CRCP: variants seen among roughly 807,000 people sequenced by gnomAD.
CRCP encodes the protein CGRP receptor component.
In CRCP, 18 loss-of-function variants were observed where a neutral mutation model predicts 18.5. The ratio of observed to expected loss-of-function variants is 0.97; its 90% confidence interval spans 0.67 to 1.44. The LOEUF (loss-of-function observed/expected upper bound fraction) is 1.44. Ranked by LOEUF, CRCP falls within the 40% of genes most tolerant of loss-of-function variation. CRCP has a pLI of 0.00. For synonymous variants in CRCP, 53 were observed against 62.9 expected, an observed-to-expected ratio of 0.84 and a Z score of 0.75; for missense variants, 130 against 176.4, an observed-to-expected ratio of 0.74 and a Z score of 1.49.
intron 1 of CRCP, chr7:66,119,771 G>C (rs1406080719): frequency 6.6e-6 from 1 of 152,228 alleles, no homozygotes; most frequent in Non-Finnish European, 1.5e-5. Context: ...TGTGTAAATA[G>C]TAGTTGTACT....
chr7:66,115,918 T>A (rs907943532), intron 1 of CRCP, among the ~76,000 whole-genome samples: 5 of 152,180 alleles, frequency 3.3e-5, no homozygotes, highest in Non-Finnish European at 7.3e-5. Context: ...TGCTTCAGCC[T>A]CTTCAGTAGC....
chr7:66,126,045 A>C (rs1203930363), intron 1 of CRCP, among the ~76,000 whole-genome samples: 1 of 149,326 alleles, frequency 6.7e-6, no homozygotes, highest in Non-Finnish European at 1.5e-5. Context: ...CCTGTGTTAG[A>C]TTCCTTTCAA....
At chr7:66,147,077 C>A (rs1462433616) in intron 5 of CRCP, among the ~76,000 whole-genome samples, 1 of 152,102 alleles carries the variant, frequency 6.6e-6, no homozygotes, top group Non-Finnish European at 1.5e-5. Context: ...CGCGGTGGCT[C>A]ATGCCTGTAA....
At chr7:66,151,716 T>TGTGTGG (rs1788475198) in intron 5 of CRCP, among the ~76,000 whole-genome samples, 2 of 137,184 alleles carry the variant, frequency 1.5e-5, no homozygotes, top group Admixed American at 7.3e-5. Context: ...TGTGTGTGTG[T>TGTGTGG]GGTTATATAA....
At chr7:66,115,109 C>T (rs1429572031) in intron 1 of CRCP, 139 bp downstream of exon 1, 9 of 1,268,910 alleles carry the variant, frequency 7.1e-6, no homozygotes, top group Non-Finnish European at 9.8e-6. Context: ...TCCGGGAGGG[C>T]CGCGGGGTGG....
rs149005363 is a variant in CRCP, at chr7:66,145,736, G to A, written c.297+236G>A. Among the ~76,000 whole-genome samples, 25 of 152,290 alleles carry A rather than the reference G, an allele frequency of 1.6e-4. No individual in the cohort carries two copies. The East Asian group carries it at 4.6e-3, about 28-fold the overall frequency. On this transcript the variant is annotated intron_variant, in intron 5 of 5. Coordinates refer to ENST00000395326, the MANE Select transcript of CRCP (RefSeq NM_014478.5). Reference sequence around the variant, plus strand: ...TTGGCTGATGACTTGGCGGCTCTCCGACTCCCCTGATGTCCAGGCCATTCT... The same window carrying A: ...TTGGCTGATGACTTGGCGGCTCTCCAACTCCCCTGATGTCCAGGCCATTCT...
intron 4 of CRCP, among the ~76,000 whole-genome samples, chr7:66,141,105 C>G (rs557270112): frequency 2.9e-4 from 44 of 152,276 alleles, no homozygotes; most frequent in Middle Eastern, 3.4e-3. Flanking sequence ...CAAGAGTTAA[C>G]GCTTCAGGCA....
At chr7:66,136,436 A>G (rs770188600) in intron 4 of CRCP, among the ~76,000 whole-genome samples, 24 of 151,994 alleles carry the variant, frequency 1.6e-4, no homozygotes, top group Non-Finnish European at 3.1e-4. Context: ...CTCCATGTTG[A>G]TCAGGCTGGT....
chr7:66,147,079 T>C (rs1466170358), intron 5 of CRCP, among the ~76,000 whole-genome samples: 1 of 152,110 alleles, frequency 6.6e-6, no homozygotes, highest in African/African-American at 2.4e-5. Context: ...CGGTGGCTCA[T>C]GCCTGTAATG....
rs73376333 is a variant in CRCP, at chr7:66,125,834, G to T, written c.9-1870G>T. Among the ~76,000 whole-genome samples, 1,176 of 149,094 alleles carry T rather than the reference G, an allele frequency of 7.9e-3. 49 individuals carry two copies. The highest frequency in any genetic ancestry group is 0.027 in the African/African-American group (1,103 of 41,330). Reference sequence around the variant, plus strand: ...AGAAAAAACATTCATATTTTTTCTCGAGTCAAGTATTCCAGGAAGGGATGT... The same window carrying T: ...AGAAAAAACATTCATATTTTTTCTCTAGTCAAGTATTCCAGGAAGGGATGT... On this transcript the variant is annotated intron_variant, in intron 1 of 5. Coordinates refer to ENST00000395326, the MANE Select transcript of CRCP (RefSeq NM_014478.5).
At chr7:66,150,368 G>A (rs966950340) in intron 5 of CRCP, among the ~76,000 whole-genome samples, 1 of 23,806 alleles carries the variant, frequency 4.2e-5, no homozygotes, top group Non-Finnish European at 8.5e-5. Context: ...GGGGGGAGTT[G>A]AAGATTGTTT....
Position 66,134,291 on chromosome 7 carries a change from C to G in CRCP, c.156C>G (p.Tyr52Ter), listed in dbSNP as rs767592334. Residue 52 changes from tyrosine to a stop codon, truncating the protein, a stop_gained, in exon 4 of 6, where the codon TAC becomes TAG. Coordinates refer to ENST00000395326, the MANE Select transcript of CRCP (RefSeq NM_014478.5). LOFTEE classifies it high-confidence loss of function. ...TTTTTTTTTGCCAGACGTTAAAATA[C>G]ATATCAAAAACACCATGCAGGCACC... ...LNTITYETLKYISKTPCRHQS... is the reference protein window; with the variant it reads ...LNTITYETLK 57 of 1,527,652 alleles carry G rather than the reference C, an allele frequency of 3.7e-5. No homozygotes were observed. The highest frequency in any genetic ancestry group is 5.1e-5 in the Non-Finnish European group (57 of 1,123,774). The allele number at this position is 1,527,652 out of a possible 1,614,324, so 94.6% of individuals were successfully genotyped here. A position where few individuals can be genotyped will look rare whatever the true frequency, so the allele number is the denominator to read the frequency against.
rs768310941 is a variant in CRCP, at chr7:66,134,263, T to C, written c.145-17T>C. The stretch of plus-strand genomic sequence containing the variant: ...TGTCTTATGCTTGGCTTTTTTCTTT[T>C]TTTTTTTTTTTGCCAGACGTTAAAA... On this transcript the variant is annotated splice_polypyrimidine_tract_variant and intron_variant, in intron 3 of 5. Transcript: ENST00000395326. 6 of 1,352,170 alleles carry C rather than the reference T, an allele frequency of 4.4e-6. No homozygotes were observed. In the East Asian group the frequency reaches 7.7e-5, roughly 17 times the overall value. 83.8% of individuals were successfully genotyped at this position (1,352,170 alleles called of 1,614,324 possible).
rs1369014102 is a variant in CRCP, at chr7:66,124,856, T to C, written c.9-2848T>C. 2.0e-5 allele frequency among the ~76,000 whole-genome samples: 3 copies of C among 149,308 alleles called. No homozygotes were observed. The East Asian group carries it at 6.0e-4, about 30-fold the overall frequency. ...CACTCAGGAAACTTAGCGATGATAATCTACTATTATTAAGATACAATGTAA... is the reference window on the plus strand; with the variant it reads ...CACTCAGGAAACTTAGCGATGATAACCTACTATTATTAAGATACAATGTAA... On this transcript the variant is annotated intron_variant, in intron 1 of 5. Coordinates refer to ENST00000395326, the MANE Select transcript of CRCP (RefSeq NM_014478.5).
intron 1 of CRCP, among the ~76,000 whole-genome samples, chr7:66,122,408 A>ATGTGCCATTTGTGTATGTGTTTGCT (rs1562759379): frequency 6.7e-6 from 1 of 149,040 alleles, no homozygotes; most frequent in Non-Finnish European, 1.5e-5. Context: ...CACTGTTTGC[A>ATGTGCCATTTGTGTATGTGTTTGCT]TGTGCCATTT....
intron 4 of CRCP, among the ~76,000 whole-genome samples, chr7:66,141,310 T>G (rs927098036): frequency 1.3e-5 from 2 of 152,194 alleles, no homozygotes; most frequent in African/African-American, 2.4e-5. Context: ...AAATACTAGA[T>G]CTTATTCATT....
intron 1 of CRCP, chr7:66,126,511 A>T: frequency 3.5e-6 from 1 of 282,174 alleles, no homozygotes; most frequent in Non-Finnish European, 7.1e-6. Flanking sequence ...TGAGCAAGTT[A>T]CTTAATTTCT....
intron 4 of CRCP, among the ~76,000 whole-genome samples, chr7:66,144,534 C>G (rs762996980): frequency 6.6e-6 from 1 of 152,146 alleles, no homozygotes; most frequent in South Asian, 2.1e-4. Context: ...CTCTGTCGCC[C>G]AGGCTGGAGT....
At chr7:66,138,107 C>CT (rs1788022411) in intron 4 of CRCP, among the ~76,000 whole-genome samples, 1 of 152,204 alleles carries the variant, frequency 6.6e-6, no homozygotes, top group Non-Finnish European at 1.5e-5. Flanking sequence ...TACAAATTCT[C>CT]TTATTTTCAT....
Sources: gnomAD v4.1 joint callset for allele counts (sites outside exome capture counted in the v4.1 genomes callset) on GRCh38, gnomAD v4.1.1 for gene constraint, MANE v1.5 for transcripts, NCBI Gene and HGNC (gene_info 2026-07-23, HGNC 2026-07-21) for gene names.